TRIM45: variants seen among roughly 807,000 people sequenced by gnomAD.
The protein encoded by TRIM45 is tripartite motif containing 45.
A neutral mutation model predicts 46.7 loss-of-function variants in TRIM45; 45 were observed. The ratio of observed to expected loss-of-function variants is 0.96; its 90% CI spans 0.76 to 1.24. The LOEUF is 1.24. Among genes scored for constraint, TRIM45 ranks in the 50% most tolerant of loss-of-function variants. TRIM45 has a pLI of 0.00. For synonymous variants in TRIM45, 259 were observed against 285.8 expected (o/e 0.91, Z 0.94); for missense variants, 680 against 728.4 (o/e 0.93, Z 0.77).
upstream of TRIM45, chr1:117,121,930 G>A (rs1650659159): frequency 5.8e-6 from 4 of 689,494 alleles, no homozygotes; most frequent in Middle Eastern, 2.3e-4. This position sits in a 1 kb window ranked among gnomAD's most constrained non-coding sequence, Gnocchi z 4.2. Context: ...ACCTGACAAG[G>A]CCGTGGGCGG....
intron 5 of TRIM45, 58 bp from the exon 6 acceptor site, chr1:117,112,511 T>TA (rs1650257750): frequency 2.0e-6 from 3 of 1,474,900 alleles, no homozygotes; most frequent in Non-Finnish European, 2.7e-6. Flanking sequence ...GGCCAGCAGT[T>TA]ACCATTATCA....
chr1:117,117,998 C>T lies in TRIM45; in HGVS notation c.1222+36G>A. The T allele has an allele frequency of 6.3e-7, 1 of 1,588,602 alleles. No homozygotes were observed. The highest frequency in any genetic ancestry group is 8.6e-7 in the Non-Finnish European group (1 of 1,167,402). ...TCTTCACACACCACCTCCCTGTCCA[C>T]TGCCCTCTCAATGTCAATGGGAAAT... On this transcript the variant is annotated intron_variant, in intron 2 of 5. Coordinates refer to ENST00000256649, the MANE Select transcript of TRIM45 (RefSeq NM_025188.4). This position sits in a 1 kb window ranked among gnomAD's most constrained non-coding sequence, Gnocchi z 4.9.
At chr1:117,123,276 A>G (rs538738142), upstream of TRIM45, among the ~76,000 whole-genome samples, 12 of 152,274 alleles carry the variant, frequency 7.9e-5, no homozygotes, top group African/African-American at 2.6e-4. Flanking sequence ...GGCTGGAGGA[A>G]GTCACAAAAA....
Position 117,115,228 on chromosome 1 carries a change from A to G in TRIM45, c.1467+347T>C, listed in dbSNP as rs1456945355. On this transcript the variant is annotated intron_variant, in intron 4 of 5. Transcript: ENST00000256649. This position sits in a 1 kb window ranked among gnomAD's most constrained non-coding sequence, Gnocchi z 4.2. The stretch of plus-strand genomic sequence containing the variant: ...GACACAGTCTGGACAAAACTGGAAA[A>G]TCCTGAGCTAGATTATATTTTTTGA... Among the ~76,000 whole-genome samples, 1 of 152,116 alleles carries G rather than the reference A, an allele frequency of 6.6e-6. No homozygotes were observed. The highest frequency in any genetic ancestry group is 2.4e-5 in the African/African-American group (1 of 41,414).
intron 1 of TRIM45, among the ~76,000 whole-genome samples, chr1:117,119,667 T>C (rs1038955184): frequency 2.0e-5 from 3 of 152,066 alleles, no homozygotes; most frequent in African/African-American, 7.2e-5. Context: ...ATCAAAGCTC[T>C]CTTTCTAATT....
chr1:117,121,101 C>T lies in TRIM45; in HGVS notation c.101G>A (p.Gly34Glu). 6.2e-7 allele frequency: 1 copy of T among 1,613,894 alleles called. No individual in the cohort carries two copies. Among genetic ancestry groups the T allele is most frequent in the South Asian group, 1.1e-5 (1 of 91,074 alleles). Residue 34 changes from glycine to glutamate, a missense_variant, in exon 1 of 6, where the codon GGG becomes GAG. Around this residue, in one of 3 missense-constraint regions of TRIM45, gnomAD observed 349 missense variants for 343.6 expected, o/e 1.02. Coordinates refer to ENST00000256649, the MANE Select transcript of TRIM45 (RefSeq NM_025188.4). The surrounding 1 kb of genome is among the most constrained non-coding windows in gnomAD (Gnocchi z 4.2). ...SGKTHCPLCL[G>E]LFKAPRLLPC... ...CAAGAGCCTGGGGGCTTTGAAAAGCCCCAAGCACAGGGGGCAGTGAGTCTT... is the reference window on the plus strand; with the variant it reads ...CAAGAGCCTGGGGGCTTTGAAAAGCTCCAAGCACAGGGGGCAGTGAGTCTT...
rs1156811630 is a variant in TRIM45, at chr1:117,111,507, C to T, written c.*798G>A. 1.3e-5 allele frequency: 2 copies of T among 152,256 alleles called. No homozygotes were observed. Among genetic ancestry groups the T allele is most frequent in the East Asian group, 3.9e-4 (2 of 5,182 alleles). 9.4% of individuals were successfully genotyped at this position (152,256 alleles called of 1,614,324 possible). ...ACGGAGTAGGGGGACACCACCAAAA[C>T]AAGATCACATTATCATGATCACAAA... On this transcript the variant is annotated 3_prime_UTR_variant, in exon 6 of 6. Transcript: ENST00000256649.
At chr1:117,114,242 C>T (rs1650319606) in intron 4 of TRIM45, among the ~76,000 whole-genome samples, 1 of 152,222 alleles carries the variant, frequency 6.6e-6, no homozygotes, top group East Asian at 1.9e-4. Context: ...AAATTAGTAA[C>T]TCTCCCATCT....
intron 4 of TRIM45, among the ~76,000 whole-genome samples, chr1:117,114,816 A>G (rs1650338003): frequency 6.6e-6 from 1 of 152,216 alleles, no homozygotes; most frequent in South Asian, 2.1e-4. Flanking sequence ...ATTAAATATG[A>G]ATGTTCCTTA....
Position 117,118,385 on chromosome 1 carries a change from GCTC to G in TRIM45, c.868_870del (p.Glu290del). The G allele has an allele frequency of 1.2e-6, 2 of 1,614,166 alleles. No individual in the cohort carries two copies. The highest frequency in any genetic ancestry group is 1.7e-6 in the Non-Finnish European group (2 of 1,180,042). On this transcript the variant is annotated inframe_deletion, in exon 2 of 6. Transcript: ENST00000256649. This position sits in a 1 kb window ranked among gnomAD's most constrained non-coding sequence, Gnocchi z 5.7. ...AGCTGCTTCAGCAGCTTGTCCCGAT[GCTC>G]CTCAATGGCCTTAATGTAGCCCTCC...
Position 117,111,296 on chromosome 1 carries a change from TA to T in TRIM45, c.*1008del, listed in dbSNP as rs1650200223. 1 of 152,220 alleles carries T rather than the reference TA, an allele frequency of 6.6e-6. No homozygotes were observed. Among genetic ancestry groups the T allele is most frequent in the South Asian group, 2.1e-4 (1 of 4,836 alleles). The allele number at this position is 152,220 out of a possible 1,614,324, so 9.4% of individuals were successfully genotyped here. A position where few individuals can be genotyped will look rare whatever the true frequency, so the allele number is the denominator to read the frequency against. On this transcript the variant is annotated 3_prime_UTR_variant, in exon 6 of 6. Transcript: ENST00000256649. ...TAACAGTGAAGACTACTCTAAAGAC[TA>T]CTCTACTAAAAAACAGAGCTGTGAG...
Position 117,117,942 on chromosome 1 carries a change from G to C in TRIM45, c.1222+92C>G, listed in dbSNP as rs1469445505. ...CCCACCTTTGGTAACCTGGTCAGTA[G>C]GGCATGCTTCCTAGCAGAACAAGCC... On this transcript the variant is annotated intron_variant, in intron 2 of 5. Transcript: ENST00000256649. The surrounding 1 kb of genome is among the most constrained non-coding windows in gnomAD (Gnocchi z 4.9). 4.7e-6 allele frequency: 7 copies of C among 1,486,622 alleles called. No individual in the cohort carries two copies. Among genetic ancestry groups the C allele is most frequent in the African/African-American group, 2.8e-5 (2 of 71,760 alleles). The allele number at this position is 1,486,622 out of a possible 1,614,324, so 92.1% of individuals were successfully genotyped here.
rs555820296 is a variant in TRIM45 at position 117,119,991 on chromosome 1, T to C, written c.488+723A>G. Among the ~76,000 whole-genome samples, 8 of 152,314 alleles carry C rather than the reference T, an allele frequency of 5.3e-5. No homozygotes were observed. The East Asian group carries it at 9.6e-4, about 18-fold the overall frequency. Reference sequence around the variant, plus strand: ...TCCTAAAACTGTGGTCATTTTATATTCTGGTGTCCTAGGATGGGGTAAGGT... The same window carrying C: ...TCCTAAAACTGTGGTCATTTTATATCCTGGTGTCCTAGGATGGGGTAAGGT... On this transcript the variant is annotated intron_variant, in intron 1 of 5. Coordinates refer to ENST00000256649, the MANE Select transcript of TRIM45 (RefSeq NM_025188.4).
At position 117,113,692 on chromosome 1, in the gene TRIM45, T is replaced by C. The variant is rs1261061442; in HGVS notation, c.1468-207A>G. On this transcript the variant is annotated intron_variant, in intron 4 of 5. Coordinates refer to ENST00000256649, the MANE Select transcript of TRIM45 (RefSeq NM_025188.4). This position sits in a 1 kb window ranked among gnomAD's most constrained non-coding sequence, Gnocchi z 4.0. ...TGCAGTGGAAGCATCACAGGGTCTA[T>C]GCAGCCCTCCTACCATGCTTTTCAC... Among the ~76,000 whole-genome samples, 1 of 152,240 alleles carries C rather than the reference T, an allele frequency of 6.6e-6. No homozygotes were observed. Among genetic ancestry groups the C allele is most frequent in the Non-Finnish European group, 1.5e-5 (1 of 68,032 alleles).
At chr1:117,123,912 T>C (rs1307428202), upstream of TRIM45, among the ~76,000 whole-genome samples, 1 of 152,164 alleles carries the variant, frequency 6.6e-6, no homozygotes, top group African/African-American at 2.4e-5. Flanking sequence ...ATTACAGGCG[T>C]GAGCCACCGC....
Position 117,116,537 on chromosome 1 carries a change from C to T in TRIM45, c.1352+79G>A. 6.4e-7 allele frequency: 1 copy of T among 1,562,916 alleles called. No homozygotes were observed. The stretch of plus-strand genomic sequence containing the variant: ...TACAGGCATGAGCCACTGTGCCCAG[C>T]TCCAATATCTTAAAGGACCTCATGT... On this transcript the variant is annotated intron_variant, in intron 3 of 5. Coordinates refer to ENST00000256649, the MANE Select transcript of TRIM45 (RefSeq NM_025188.4). The surrounding 1 kb of genome is among the most constrained non-coding windows in gnomAD (Gnocchi z 4.6).
rs1650615710 is a variant in TRIM45 at position 117,121,221 on chromosome 1, A to G, written c.-20T>C. 6.6e-7 allele frequency: 1 copy of G among 1,520,020 alleles called. No homozygotes were observed. Among genetic ancestry groups the G allele is most frequent in the Non-Finnish European group, 8.8e-7 (1 of 1,142,490 alleles). The allele number at this position is 1,520,020 out of a possible 1,614,324, so 94.2% of individuals were successfully genotyped here. On this transcript the variant is annotated 5_prime_UTR_variant, in exon 1 of 6. Coordinates refer to ENST00000256649, the MANE Select transcript of TRIM45 (RefSeq NM_025188.4). The surrounding 1 kb of genome is among the most constrained non-coding windows in gnomAD (Gnocchi z 4.2). ...TGACATACTCCTCACGTTTGTGACC[A>G]ATATTAGAAAGGGCCCTGGGCAGTT... is the stretch of plus-strand genomic sequence containing the variant.
At chr1:117,121,998 G>A (rs1490376448), upstream of TRIM45, 14 of 578,168 alleles carry the variant, frequency 2.4e-5, no homozygotes, top group Non-Finnish European at 4.1e-5. The surrounding 1 kb of genome is among the most constrained non-coding windows in gnomAD (Gnocchi z 4.2). Flanking sequence ...GGAGCGAGCG[G>A]CATAGTGTAG....
rs1448262972 is a variant in TRIM45, at chr1:117,111,548, TC to T, written c.*756del. On this transcript the variant is annotated 3_prime_UTR_variant, in exon 6 of 6. Coordinates refer to ENST00000256649, the MANE Select transcript of TRIM45 (RefSeq NM_025188.4). ...TGATCACAAAACATGTACCAGTAAA[TC>T]CAATGAAAGTATGCTAACAAAAAGT... 5 of 151,876 alleles carry T rather than the reference TC, an allele frequency of 3.3e-5. No homozygotes were observed. Among genetic ancestry groups the T allele is most frequent in the African/African-American group, 1.2e-4 (5 of 41,292 alleles). 9.4% of individuals were successfully genotyped at this position (151,876 alleles called of 1,614,324 possible).
Sources: gnomAD v4.1 joint callset for allele counts (sites outside exome capture counted in the v4.1 genomes callset) on GRCh38, gnomAD v4.1.1 for gene constraint, gnomAD v4.1.1 regional missense constraint, Gnocchi (gnomAD v3.1) non-coding constraint, MANE v1.5 for transcripts, NCBI Gene and HGNC (gene_info 2026-07-23, HGNC 2026-07-21) for gene names.